The following DGAT2L6 variants were observed in gnomAD, a reference collection of about 807,000 sequenced individuals.
DGAT2L6 encodes diacylglycerol O-acyltransferase 2 like 6, also known as diacylglycerol O-acyltransferase 2-like protein 6.
In DGAT2L6, 22 loss-of-function variants were observed where a neutral mutation model predicts 25.5. That is an observed-to-expected ratio of 0.86 (90% CI 0.62 to 1.23). DGAT2L6 has a LOEUF of 1.23. DGAT2L6 is among the 50% of genes most tolerant of loss of function. The pLI is 0.00. For synonymous variants in DGAT2L6, 100 were observed against 94.7 expected (o/e 1.06, Z -0.32); for missense variants, 287 against 253.2 (o/e 1.13, Z -0.91).
At chrX:70,196,486 C>CAAAAAAAAAAAA in intron 1 of DGAT2L6, among the ~76,000 whole-genome samples, 1 of 26,107 alleles carries the variant, frequency 3.8e-5, no homozygotes, top group Non-Finnish European at 7.0e-5. Context: ...GATCCTGTCT[C>CAAAAAAAAAAAA]AAAAAAAAAA....
intron 1 of DGAT2L6, among the ~76,000 whole-genome samples, chrX:70,178,924 C>T (rs1018367428): frequency 8.9e-6 from 1 of 112,221 alleles, no homozygotes; most frequent in African/African-American, 3.2e-5. Context: ...TTTATGTTCA[C>T]GACTACTTCA....
intron 1 of DGAT2L6, among the ~76,000 whole-genome samples, chrX:70,197,926 C>A (rs2085397028): frequency 2.7e-5 from 3 of 112,165 alleles, no homozygotes; most frequent in Admixed American, 1.9e-4. Context: ...ACTATCTCGA[C>A]CAGTGCTTAT....
intron 5 of DGAT2L6, among the ~76,000 whole-genome samples, chrX:70,202,391 C>T (rs2085413717): frequency 8.9e-6 from 1 of 112,111 alleles, no homozygotes. Flanking sequence ...AATCTACCAA[C>T]TGCAAGGGAG....
intron 1 of DGAT2L6, among the ~76,000 whole-genome samples, chrX:70,196,503 G>GAAAAAAAAAAAAAAAAAAAAAAAAAAAAA (rs1164024384): frequency 8.5e-5 from 6 of 70,575 alleles, no homozygotes; most frequent in Non-Finnish European, 1.4e-4. Context: ...AAAAAAAAAA[G>GAAAAAAAAAAAAAAAAAAAAAAAAAAAAA]AAAGAAAAAA....
intron 4 of DGAT2L6, among the ~76,000 whole-genome samples, chrX:70,201,457 G>T (rs1220574016): frequency 9.0e-6 from 1 of 111,596 alleles, no homozygotes; most frequent in African/African-American, 3.3e-5. Flanking sequence ...CCTTTGGCAG[G>T]TTACTCTTAG....
chrX:70,199,787 C>G, intron 2 of DGAT2L6, 25 bp from the exon 3 acceptor site: 5 of 1,199,560 alleles, frequency 4.2e-6, no homozygotes, highest in Non-Finnish European at 5.6e-6. Flanking sequence ...CCTGTGTACT[C>G]TTCCCTTCCC....
At chrX:70,198,446 C>T (rs751989027) in intron 1 of DGAT2L6, among the ~76,000 whole-genome samples, 1 of 111,793 alleles carries the variant, frequency 8.9e-6, no homozygotes, top group Non-Finnish European at 1.9e-5. Flanking sequence ...TCAAGCTGTC[C>T]TCTCACTTTG....
rs916889297 is a variant in DGAT2L6 at position 70,205,693 on chromosome X, T to C, written c.*587T>C. 1.8e-5 allele frequency: 2 copies of C among 112,156 alleles called. No individual in the cohort carries two copies. Among genetic ancestry groups the C allele is most frequent in the African/African-American group, 6.5e-5 (2 of 30,829 alleles). 9.2% of individuals were successfully genotyped at this position (112,156 alleles called of 1,213,427 possible). ...TTCTTTGAAAATAAAGTTCTAGACA[T>C]ATAAAACAGGATACCACTATTTCCT... On this transcript the variant is annotated 3_prime_UTR_variant, in exon 7 of 7. Coordinates refer to ENST00000333026, the MANE Select transcript of DGAT2L6 (RefSeq NM_198512.3).
At chrX:70,187,502 T>A (rs1470644000) in intron 1 of DGAT2L6, among the ~76,000 whole-genome samples, 1 of 111,592 alleles carries the variant, frequency 9.0e-6, no homozygotes, top group Non-Finnish European at 1.9e-5. Context: ...CAGGAAACCA[T>A]ATTTATTGTT....
chrX:70,198,750 G>C (rs1277047682), intron 1 of DGAT2L6, among the ~76,000 whole-genome samples: 1 of 111,353 alleles, frequency 9.0e-6, no homozygotes, highest in Non-Finnish European at 1.9e-5. Context: ...GTGTTAGCCA[G>C]GATGGTCTCG....
At position 70,205,561 on chromosome X, in the gene DGAT2L6, T is replaced by A. The variant is rs1346842712; in HGVS notation, c.*455T>A. 1 of 114,345 alleles carries A rather than the reference T, an allele frequency of 8.7e-6. No individual in the cohort carries two copies. Among genetic ancestry groups the A allele is most frequent in the Non-Finnish European group, 1.8e-5 (1 of 54,954 alleles). 9.4% of individuals were successfully genotyped at this position (114,345 alleles called of 1,213,427 possible). On this transcript the variant is annotated 3_prime_UTR_variant, in exon 7 of 7. Transcript: ENST00000333026. ...GGTCCTTTCCTTACAACTTGGGAACTGCCACAAGGTAAACCAGGGACCTGA... is the reference window on the plus strand; with the variant it reads ...GGTCCTTTCCTTACAACTTGGGAACAGCCACAAGGTAAACCAGGGACCTGA...
intron 1 of DGAT2L6, among the ~76,000 whole-genome samples, chrX:70,187,312 G>A (rs1181043019): frequency 9.0e-6 from 1 of 110,720 alleles, no homozygotes; most frequent in Non-Finnish European, 1.9e-5. Flanking sequence ...TGAAGAGAGA[G>A]TTTTCCAGGC....
intron 1 of DGAT2L6, among the ~76,000 whole-genome samples, chrX:70,183,463 G>T (rs1278212214): frequency 9.0e-6 from 1 of 111,580 alleles, no homozygotes. Flanking sequence ...AGACTATATC[G>T]CCTCTGAAAG....
chrX:70,198,440 G>A (rs781551454), intron 1 of DGAT2L6, among the ~76,000 whole-genome samples: 1 of 112,157 alleles, frequency 8.9e-6, no homozygotes, highest in African/African-American at 3.2e-5. Context: ...CTAGGTTCAA[G>A]CTGTCCTCTC....
At chrX:70,200,148 AT>A (rs750739912) in intron 3 of DGAT2L6, 106 bp from the exon 4 acceptor site, 13 of 806,595 alleles carry the variant, frequency 1.6e-5, no homozygotes, top group Non-Finnish European at 2.4e-5. Context: ...GTGAACAGGG[AT>A]TTGGGGCTCC....
Position 70,202,109 on chromosome X carries a change from C to T in DGAT2L6, c.647+45C>T, listed in dbSNP as rs752789423. ...TGCTCTGTTGTCAGGGTGCCATAGG[C>T]CCTCTGTAGCCCTCTCCAGAATGGT... On this transcript the variant is annotated intron_variant, in intron 5 of 6. Transcript: ENST00000333026. 11 of 1,054,316 alleles carry T rather than the reference C, an allele frequency of 1.0e-5. No homozygotes were observed. The Middle Eastern group carries it at 3.0e-3, about 287-fold the overall frequency. The allele number at this position is 1,054,316 out of a possible 1,213,427, so 86.9% of individuals were successfully genotyped here. A position where few individuals can be genotyped will look rare whatever the true frequency, so the allele number is the denominator to read the frequency against.
In DGAT2L6 at chrX:70,200,434, T is replaced by A. The variant is rs771585325; in HGVS notation, c.447T>A (p.Ile149=). ...GTLERIFWIP[I]VREYVMSMGV... Reference sequence around the variant, plus strand: ...TAGAAAGGATATTTTGGATCCCAATTGTGCGAGAATATGTGATGTCAATGG... The same window carrying A: ...TAGAAAGGATATTTTGGATCCCAATAGTGCGAGAATATGTGATGTCAATGG... The change falls in exon 4 of 7, where the codon ATT becomes ATA. Residue 149 remains isoleucine, a synonymous_variant. Coordinates refer to ENST00000333026, the MANE Select transcript of DGAT2L6 (RefSeq NM_198512.3). 2 of 1,211,384 alleles carry A rather than the reference T, an allele frequency of 1.7e-6. No individual in the cohort carries two copies. The highest frequency in any genetic ancestry group is 2.2e-5 in the Admixed American group (1 of 46,033).
chrX:70,190,916 T>G (rs1317299124), intron 1 of DGAT2L6, among the ~76,000 whole-genome samples: 1 of 112,204 alleles, frequency 8.9e-6, no homozygotes, highest in East Asian at 2.8e-4. Flanking sequence ...GCCTCAGTCT[T>G]GGCTATAGAC....
intron 1 of DGAT2L6, among the ~76,000 whole-genome samples, chrX:70,185,875 TTTG>T (rs1467243168): frequency 1.0e-5 from 1 of 96,938 alleles, no homozygotes; most frequent in Non-Finnish European, 2.0e-5. Context: ...GTTTTGTTTT[TTTG>T]TTTTTTTTTT....
Sources: gnomAD v4.1 joint callset for allele counts (sites outside exome capture counted in the v4.1 genomes callset) on GRCh38, gnomAD v4.1.1 for gene constraint, MANE v1.5 for transcripts, NCBI Gene and HGNC (gene_info 2026-07-23, HGNC 2026-07-21) for gene names.